Variants in MTUS1 observed in about 807,000 individuals in gnomAD.
The protein encoded by MTUS1 is microtubule-associated tumor suppressor 1.
In MTUS1, 109 loss-of-function variants were observed where a neutral mutation model predicts 120.8. The observed-to-expected ratio is 0.90, with a 90% confidence interval of 0.77 to 1.06. The LOEUF is 1.06. Among genes scored for constraint, MTUS1 ranks in the 50% least tolerant of loss-of-function variants. The pLI, the probability that MTUS1 is intolerant of heterozygous loss-of-function variation, is 0.00. For missense variants in MTUS1, 2,210 were observed against 1,486.3 expected (o/e 1.49, Z -8.01); for synonymous variants, 737 against 550.5 (o/e 1.34, Z -4.74).
intron 6 of MTUS1, among the ~76,000 whole-genome samples, chr8:17,699,156 T>C (rs187628558): frequency 6.6e-4 from 101 of 152,310 alleles, no homozygotes; most frequent in African/African-American, 2.2e-3. Flanking sequence ...GGTTTTTCTT[T>C]CTTTTGGTTG....
intron 8 of MTUS1, among the ~76,000 whole-genome samples, chr8:17,666,114 T>TA (rs1563164018): frequency 1.2e-5 from 1 of 86,000 alleles, no homozygotes; most frequent in African/African-American, 4.2e-5. Flanking sequence ...TTTTTTTTTT[T>TA]AAATCACAAC....
intron 4 of MTUS1, chr8:17,721,659 A>G: frequency 6.6e-7 from 1 of 1,512,548 alleles, no homozygotes; most frequent in African/African-American, 1.4e-5. Context: ...AATTTATTGA[A>G]TAAAAATTTA....
intron 12 of MTUS1, among the ~76,000 whole-genome samples, chr8:17,650,587 A>C (rs1806767731): frequency 6.6e-6 from 1 of 152,196 alleles, no homozygotes. Flanking sequence ...GCATATGCCT[A>C]CAGTCCCAGC....
chr8:17,645,781 G>C lies in MTUS1; in HGVS notation c.*145C>G. The C allele has an allele frequency of 9.4e-7, 1 of 1,064,190 alleles. No homozygotes were observed. Among genetic ancestry groups the C allele is most frequent in the Admixed American group, 3.6e-5 (1 of 27,820 alleles). The allele number at this position is 1,064,190 out of a possible 1,614,324, so 65.9% of individuals were successfully genotyped here. ...CCAGAGTTCCAGTCTCAGAAGCTGC[G>C]ATTCCGCCGGTGGTGACGCTCCAGT... On this transcript the variant is annotated 3_prime_UTR_variant, in exon 15 of 15. Transcript: ENST00000693296.
intron 1 of MTUS1, among the ~76,000 whole-genome samples, chr8:17,794,800 C>A (rs1181633790): frequency 1.3e-5 from 2 of 152,158 alleles, no homozygotes; most frequent in Non-Finnish European, 2.9e-5. Flanking sequence ...CACCTTGACA[C>A]AGAGGTCAGG....
At chr8:17,796,429 TTTAC>T (rs957339890) in intron 1 of MTUS1, among the ~76,000 whole-genome samples, 1 of 152,238 alleles carries the variant, frequency 6.6e-6, no homozygotes, top group Non-Finnish European at 1.5e-5. Flanking sequence ...CTGAAAGCTA[TTTAC>T]TTAAGTGAAG....
chr8:17,648,058 A>G (rs185946461), intron 13 of MTUS1, among the ~76,000 whole-genome samples: 15 of 152,312 alleles, frequency 9.8e-5, no homozygotes, highest in Admixed American at 2.6e-4. Flanking sequence ...AACAACGTGG[A>G]AAAAAACCTG....
intron 1 of MTUS1, among the ~76,000 whole-genome samples, chr8:17,760,791 A>G (rs541801675): frequency 3.1e-4 from 44 of 143,090 alleles, no homozygotes; most frequent in African/African-American, 1.1e-3. Context: ...AAAAAGACAG[A>G]GAGTGTGCTG....
intron 6 of MTUS1, among the ~76,000 whole-genome samples, chr8:17,695,187 A>T (rs559046775): frequency 5.6e-4 from 86 of 152,332 alleles, no homozygotes; most frequent in Non-Finnish European, 1.1e-3. Context: ...AAAGACTGAT[A>T]TTGGGAGTAA....
At chr8:17,714,294 T>G (rs1322946649) in intron 5 of MTUS1, among the ~76,000 whole-genome samples, 1 of 152,102 alleles carries the variant, frequency 6.6e-6, no homozygotes, top group Admixed American at 6.6e-5. Flanking sequence ...TTAACCAGCC[T>G]CAAGGTACCA....
intron 8 of MTUS1, among the ~76,000 whole-genome samples, chr8:17,663,135 G>T (rs1810134620): frequency 1.3e-5 from 2 of 152,170 alleles, no homozygotes; most frequent in African/African-American, 4.8e-5. Flanking sequence ...TGTGGAAAAT[G>T]CCCAGTGCCA....
At chr8:17,779,115 G>C (rs1004162303) in intron 1 of MTUS1, among the ~76,000 whole-genome samples, 1 of 152,176 alleles carries the variant, frequency 6.6e-6, no homozygotes, top group African/African-American at 2.4e-5. Context: ...CACAAGCTTA[G>C]ACCCCAGGAA....
At chr8:17,746,296 T>C (rs989760342) in intron 2 of MTUS1, among the ~76,000 whole-genome samples, 3 of 152,194 alleles carry the variant, frequency 2.0e-5, no homozygotes, top group African/African-American at 7.2e-5. Flanking sequence ...CTCCTGAGTT[T>C]CCCATATACC....
intron 5 of MTUS1, among the ~76,000 whole-genome samples, chr8:17,715,261 T>C (rs928248403): frequency 1.3e-5 from 2 of 152,062 alleles, no homozygotes; most frequent in East Asian, 1.9e-4. Context: ...CATGAAAACA[T>C]TGCACATTAA....
chr8:17,738,335 G>T (rs1171368692), intron 3 of MTUS1, among the ~76,000 whole-genome samples: 1 of 152,180 alleles, frequency 6.6e-6, no homozygotes, highest in East Asian at 1.9e-4. Flanking sequence ...ACGGGGCAGG[G>T]AGAGCATTCT....
At chr8:17,690,350 G>C (rs774875046) in intron 6 of MTUS1, among the ~76,000 whole-genome samples, 2 of 152,172 alleles carry the variant, frequency 1.3e-5, no homozygotes, top group East Asian at 3.9e-4. Flanking sequence ...TTTCCTATCA[G>C]CCAGAACGGC....
chr8:17,781,700 T>A (rs2050889788), intron 1 of MTUS1, among the ~76,000 whole-genome samples: 1 of 152,132 alleles, frequency 6.6e-6, no homozygotes, highest in Admixed American at 6.6e-5. Context: ...GCCACACCTG[T>A]CTTTAGACAG....
rs756700286 is a variant in MTUS1, at chr8:17,654,634, A to G, written c.3141T>C (p.Ser1047=). 16 of 1,614,162 alleles carry G rather than the reference A, an allele frequency of 9.9e-6. No individual in the cohort carries two copies. The highest frequency in any genetic ancestry group is 3.3e-5 in the South Asian group (3 of 91,090). The change falls in exon 10 of 15, where the codon TCT becomes TCC. Residue 1047 remains serine (S), a synonymous_variant. Coordinates refer to ENST00000693296, the MANE Select transcript of MTUS1 (RefSeq NM_001363059.2). ...FDNLNAAHET[S]KLEIEASHSE... The stretch of plus-strand genomic sequence containing the variant: ...AGTGGCTAGCTTCAATTTCCAACTT[A>G]GAGGTTTCATGCGCAGCATTTAAGT...
intron 1 of MTUS1, among the ~76,000 whole-genome samples, chr8:17,785,360 A>C (rs190244558): frequency 5.8e-4 from 89 of 152,332 alleles, no homozygotes; most frequent in Non-Finnish European, 9.8e-4. Flanking sequence ...TTCCAGAAGA[A>C]GATAAAGCTT....
Sources: allele counts gnomAD v4.1 joint callset (sites outside exome capture counted in the v4.1 genomes callset), GRCh38; gene constraint gnomAD v4.1.1; transcripts MANE v1.5; gene names NCBI Gene and HGNC (gene_info 2026-07-23, HGNC 2026-07-21).